ARID5B: variants seen among roughly 807,000 people sequenced by gnomAD.
ARID5B encodes the protein AT-rich interaction domain 5B, also known as AT-rich interactive domain-containing protein 5B.
A neutral mutation model predicts 97.2 loss-of-function variants in ARID5B; 13 were observed. That is an observed-to-expected ratio of 0.13 (90% confidence interval 0.09 to 0.21). The LOEUF (loss-of-function observed/expected upper bound fraction) is 0.21. ARID5B is among the 10% of genes least tolerant of loss of function. The probability of loss-of-function intolerance (pLI) is 1.00; values close to 1 mark genes in which losing one functional copy is unlikely to be tolerated. For missense variants in ARID5B, 1,210 were observed against 1,465.3 expected, an observed-to-expected ratio of 0.83 and a Z score of 2.84; for synonymous variants, 556 against 570.3, an observed-to-expected ratio of 0.97 and a Z score of 0.36.
intron 4 of ARID5B, chr10:62,024,814 C>A: frequency 2.6e-6 from 1 of 378,108 alleles, no homozygotes; most frequent in Non-Finnish European, 4.7e-6. Flanking sequence ...TATTGTTATT[C>A]TTTTCGGGTT....
intron 3 of ARID5B, among the ~76,000 whole-genome samples, chr10:61,969,561 G>A (rs1331878283): frequency 6.6e-6 from 1 of 152,098 alleles, no homozygotes; most frequent in Non-Finnish European, 1.5e-5. Context: ...GTGCTGAGGA[G>A]GACTGAGTTG....
chr10:61,905,516 T>C (rs1343401427), intron 2 of ARID5B, among the ~76,000 whole-genome samples: 4 of 152,070 alleles, frequency 2.6e-5, no homozygotes, highest in Non-Finnish European at 5.9e-5. Flanking sequence ...AGGCAGGACT[T>C]TGTACACCCA....
chr10:61,921,640 A>G (rs2132770378), intron 2 of ARID5B, among the ~76,000 whole-genome samples: 1 of 152,158 alleles, frequency 6.6e-6, no homozygotes, highest in South Asian at 2.1e-4. Flanking sequence ...GTTAGAAGTG[A>G]GGCATTATTG....
chr10:62,047,149 C>T lies in ARID5B; in HGVS notation c.734-3739C>T, dbSNP rs140504342. Reference sequence around the variant, plus strand: ...TTGTATGGTCTGAGACAAGTAATTTCATCTCTGTCTCAGTTTCCTGGTCTG... The same window carrying T: ...TTGTATGGTCTGAGACAAGTAATTTTATCTCTGTCTCAGTTTCCTGGTCTG... On this transcript the variant is annotated intron_variant, in intron 4 of 9. Transcript: ENST00000279873. Among the ~76,000 whole-genome samples, 582 of 152,216 alleles carry T rather than the reference C, an allele frequency of 3.8e-3. 2 individuals carry two copies. Among genetic ancestry groups the T allele is most frequent in the African/African-American group, 0.014 (564 of 41,522 alleles).
chr10:62,000,413 C>A lies in ARID5B; in HGVS notation c.733+92C>A. 2 of 1,212,568 alleles carry A rather than the reference C, an allele frequency of 1.6e-6. No individual in the cohort carries two copies. The allele number at this position is 1,212,568 out of a possible 1,614,324, so 75.1% of individuals were successfully genotyped here. A position where few individuals can be genotyped will look rare whatever the true frequency, so the allele number is the denominator to read the frequency against. On this transcript the variant is annotated intron_variant, in intron 4 of 9. Coordinates refer to ENST00000279873, the MANE Select transcript of ARID5B (RefSeq NM_032199.3). This position sits in a 1 kb window ranked among gnomAD's most constrained non-coding sequence, Gnocchi z 4.4. ...TGAAGAGCGGTGATGGGGAACGGGG[C>A]TCACTTTCACAAGCCCCATGTGCTG... is the stretch of plus-strand genomic sequence containing the variant.
chr10:62,031,206 C>G (rs532868144), intron 4 of ARID5B, among the ~76,000 whole-genome samples: 1 of 152,266 alleles, frequency 6.6e-6, no homozygotes, highest in African/African-American at 2.4e-5. Context: ...TGCACTCCAG[C>G]CTGCATGACA....
intron 4 of ARID5B, among the ~76,000 whole-genome samples, chr10:62,044,818 T>C (rs959207690): frequency 6.6e-6 from 1 of 152,258 alleles, no homozygotes; most frequent in African/African-American, 2.4e-5. Flanking sequence ...CAGGATCAAG[T>C]TGTGCTTGTC....
chr10:62,029,503 G>T (rs955823364), intron 4 of ARID5B, among the ~76,000 whole-genome samples: 4 of 152,182 alleles, frequency 2.6e-5, no homozygotes, highest in Non-Finnish European at 5.9e-5. Flanking sequence ...TGGATCTAAG[G>T]CCAAGAATTA....
At chr10:62,087,291 T>A (rs1840300971) in intron 9 of ARID5B, among the ~76,000 whole-genome samples, 1 of 21,778 alleles carries the variant, frequency 4.6e-5, no homozygotes, top group East Asian at 6.5e-4. Context: ...AGAGAGAGAC[T>A]CTATCTCAAA....
intron 3 of ARID5B, among the ~76,000 whole-genome samples, chr10:61,995,108 G>T (rs140989979): frequency 2.0e-5 from 3 of 152,308 alleles, no homozygotes; most frequent in Admixed American, 6.5e-5. Context: ...CAACCAACTA[G>T]AGTGTGTTAG....
rs140268251 is a variant in ARID5B, at chr10:61,922,324, C to T, written c.277-17859C>T. On this transcript the variant is annotated intron_variant, in intron 2 of 9. Coordinates refer to ENST00000279873, the MANE Select transcript of ARID5B (RefSeq NM_032199.3). Reference sequence around the variant, plus strand: ...CATAAGAAAATAGGCATGTTTGGGCCGGGCATGGTGGCTCACGCCTGTAAT... The same window carrying T: ...CATAAGAAAATAGGCATGTTTGGGCTGGGCATGGTGGCTCACGCCTGTAAT... Among the ~76,000 whole-genome samples the T allele has an allele frequency of 1.2e-4, 18 of 152,304 alleles. No individual in the cohort carries two copies. The East Asian group carries it at 2.9e-3, about 25-fold the overall frequency.
intron 1 of ARID5B, 44 bp downstream of exon 1, chr10:61,901,774 C>A (rs781209675): frequency 6.4e-7 from 1 of 1,556,798 alleles, no homozygotes; most frequent in South Asian, 1.1e-5. Flanking sequence ...CACCCCCCGG[C>A]ACCCCCCAAC....
Position 62,096,263 on chromosome 10 carries a change from T to G in ARID5B, c.*3233T>G. On this transcript the variant is annotated 3_prime_UTR_variant, in exon 10 of 10. Transcript: ENST00000279873. Reference sequence around the variant, plus strand: ...TTCTCAAGTACTGTATTTCACTGTGTTGGTGTGTCTGATGGAAATTTCGAG... The same window carrying G: ...TTCTCAAGTACTGTATTTCACTGTGGTGGTGTGTCTGATGGAAATTTCGAG... 1 of 233,726 alleles carries G rather than the reference T, an allele frequency of 4.3e-6. No homozygotes were observed. 14.5% of individuals were successfully genotyped at this position (233,726 alleles called of 1,614,324 possible).
rs1024705543 is a variant in ARID5B, at chr10:62,000,024, T to C, written c.503-67T>C. The C allele has an allele frequency of 3.4e-6, 5 of 1,459,418 alleles. No homozygotes were observed. In the African/African-American group the frequency reaches 5.6e-5, roughly 16 times the overall value. 90.4% of individuals were successfully genotyped at this position (1,459,418 alleles called of 1,614,324 possible). Reference sequence around the variant, plus strand: ...AAACCAGAAGTGATTATTGAAATTATACCATGGCCATGAAAGTTCTTTGTC... The same window carrying C: ...AAACCAGAAGTGATTATTGAAATTACACCATGGCCATGAAAGTTCTTTGTC... On this transcript the variant is annotated intron_variant, in intron 3 of 9. Transcript: ENST00000279873. This position sits in a 1 kb window ranked among gnomAD's most constrained non-coding sequence, Gnocchi z 4.4.
At chr10:62,028,416 AG>A (rs900334310) in intron 4 of ARID5B, among the ~76,000 whole-genome samples, 1 of 152,144 alleles carries the variant, frequency 6.6e-6, no homozygotes, top group Non-Finnish European at 1.5e-5. Context: ...ACTTTGTCTC[AG>A]GGAACAAAGT....
rs558114053 is a variant in ARID5B, at chr10:62,004,826, A to G, written c.733+4505A>G. On this transcript the variant is annotated intron_variant, in intron 4 of 9. Transcript: ENST00000279873. The stretch of plus-strand genomic sequence containing the variant: ...GAAGTGTTGACAGCTAAATCCAAAC[A>G]GAGGCACACTCAGTACAGTAGATAA... Among the ~76,000 whole-genome samples, 121 of 152,372 alleles carry G rather than the reference A, an allele frequency of 7.9e-4. 1 individual carries two copies. The highest frequency in any genetic ancestry group is 2.8e-3 in the African/African-American group (115 of 41,586).
chr10:62,061,903 C>T (rs188732530), intron 7 of ARID5B, among the ~76,000 whole-genome samples: 123 of 152,322 alleles, frequency 8.1e-4, no homozygotes, highest in African/African-American at 2.8e-3. Context: ...ATCTGCTCTC[C>T]ATCTGGTCAT....
At chr10:61,954,503 G>T (rs1318160129) in intron 3 of ARID5B, among the ~76,000 whole-genome samples, 1 of 152,138 alleles carries the variant, frequency 6.6e-6, no homozygotes, top group Non-Finnish European at 1.5e-5. Context: ...GCTGATGCTA[G>T]TTGGCTAGAA....
intron 4 of ARID5B, among the ~76,000 whole-genome samples, chr10:62,007,182 G>A (rs529732527): frequency 3.9e-5 from 6 of 152,118 alleles, no homozygotes; most frequent in Non-Finnish European, 8.8e-5. Context: ...GTCTATGTTC[G>A]CTTGACTTAA....
Sources: gnomAD v4.1 joint callset for allele counts (sites outside exome capture counted in the v4.1 genomes callset) on GRCh38, gnomAD v4.1.1 for gene constraint, Gnocchi (gnomAD v3.1) non-coding constraint, MANE v1.5 for transcripts, NCBI Gene and HGNC (gene_info 2026-07-23, HGNC 2026-07-21) for gene names.